MCC: variants seen among roughly 807,000 people sequenced by gnomAD.
MCC encodes MCC regulator of Wnt signaling pathway.
In MCC, 90 loss-of-function variants were observed where a neutral mutation model predicts 116.2. The ratio of observed to expected loss-of-function variants is 0.77; its 90% CI spans 0.65 to 0.92. MCC has a LOEUF of 0.92. Among genes scored for constraint, MCC ranks in the 40% least tolerant of loss-of-function variants. The probability of loss-of-function intolerance (pLI) is 0.00; values close to 1 mark genes in which losing one functional copy is unlikely to be tolerated. For synonymous variants in MCC, 578 were observed against 510.5 expected (o/e 1.13, Z -1.78); for missense variants, 1,516 against 1,312.2 (o/e 1.16, Z -2.40).
chr5:113,030,547 G>C (rs1580875009), intron 17 of MCC, among the ~76,000 whole-genome samples: 1 of 152,054 alleles, frequency 6.6e-6, no homozygotes, highest in Non-Finnish European at 1.5e-5. Flanking sequence ...AGATATGGTG[G>C]GTCATGCCTG....
chr5:113,112,807 T>C (rs1352382822), intron 6 of MCC, among the ~76,000 whole-genome samples: 9 of 152,188 alleles, frequency 5.9e-5, no homozygotes, highest in Non-Finnish European at 1.3e-4. Flanking sequence ...ACATGTAAAA[T>C]AAATGGAAGA....
chr5:113,362,695 C>G (rs1041041458), intron 2 of MCC, among the ~76,000 whole-genome samples: 3 of 152,048 alleles, frequency 2.0e-5, no homozygotes, highest in African/African-American at 4.8e-5. Flanking sequence ...ATCTTTCTAA[C>G]AAATTTAATA....
chr5:113,122,889 T>C (rs760408100), intron 5 of MCC, 63 bp from the exon 6 acceptor site: 37 of 1,538,516 alleles, frequency 2.4e-5, no homozygotes, highest in Non-Finnish European at 3.0e-5. Context: ...CTAGAGAATA[T>C]GTCTTTTAAG....
chr5:113,137,378 C>T (rs927831221), intron 5 of MCC, among the ~76,000 whole-genome samples: 5 of 152,088 alleles, frequency 3.3e-5, no homozygotes, highest in African/African-American at 1.2e-4. Context: ...CAATATGTTC[C>T]TTTTGTATCC....
intron 1 of MCC, among the ~76,000 whole-genome samples, chr5:113,440,702 T>C (rs1021903994): frequency 6.6e-6 from 1 of 151,934 alleles, no homozygotes; most frequent in African/African-American, 2.4e-5. Context: ...GATGTCTATA[T>C]CCTTTAAGGG....
intron 2 of MCC, among the ~76,000 whole-genome samples, chr5:113,367,263 A>AT (rs1182199360): frequency 1.3e-5 from 2 of 151,910 alleles, no homozygotes; most frequent in Non-Finnish European, 1.5e-5. Flanking sequence ...TTCTTGAACA[A>AT]TTTTTTTATT....
intron 1 of MCC, among the ~76,000 whole-genome samples, chr5:113,442,128 AG>A: frequency 6.6e-6 from 1 of 152,284 alleles, no homozygotes; most frequent in East Asian, 1.9e-4. Flanking sequence ...GCAGTGTAAA[AG>A]CTTTTCTATT....
chr5:113,379,175 T>C (rs970582425), intron 2 of MCC, among the ~76,000 whole-genome samples: 2 of 152,206 alleles, frequency 1.3e-5, no homozygotes, highest in Non-Finnish European at 2.9e-5. Context: ...GTTTGCACTT[T>C]GCTCATCACG....
intron 3 of MCC, among the ~76,000 whole-genome samples, chr5:113,292,887 G>C (rs1766563007): frequency 1.3e-5 from 2 of 152,162 alleles, no homozygotes; most frequent in Admixed American, 1.3e-4. Context: ...TGATGGAGCA[G>C]GGCCCTGGGT....
At chr5:113,139,946 C>T (rs935915612) in intron 5 of MCC, among the ~76,000 whole-genome samples, 13 of 151,992 alleles carry the variant, frequency 8.6e-5, no homozygotes, top group Non-Finnish European at 2.9e-5. Flanking sequence ...AGCTTAAGAG[C>T]TTCTGCATAG....
At chr5:113,302,051 A>C (rs1312102885) in intron 3 of MCC, among the ~76,000 whole-genome samples, 1 of 152,220 alleles carries the variant, frequency 6.6e-6, no homozygotes, top group East Asian at 1.9e-4. Flanking sequence ...CCCTCATACA[A>C]GTATCGCTGC....
At chr5:113,289,255 C>G (rs981292091) in intron 3 of MCC, among the ~76,000 whole-genome samples, 1 of 147,780 alleles carries the variant, frequency 6.8e-6, no homozygotes, top group African/African-American at 2.5e-5. Context: ...TGCTTGATCC[C>G]GGGAGGCAGG....
chr5:113,119,444 G>A (rs1361842535), intron 6 of MCC, among the ~76,000 whole-genome samples: 1 of 152,204 alleles, frequency 6.6e-6, no homozygotes, highest in Non-Finnish European at 1.5e-5. Flanking sequence ...CCAGCACAGA[G>A]CCCCGGGCAG....
rs1177659656 is a variant in MCC, at chr5:113,421,759, T to G, written c.171-36547A>C. On this transcript the variant is annotated intron_variant, in intron 1 of 18. Transcript: ENST00000408903. ...GCTAATGTATATCCTTGGATCTAGC[T>G]GCTGACTCCTTCCCCATTGCCTTTG... 2.0e-5 allele frequency among the ~76,000 whole-genome samples: 3 copies of G among 152,188 alleles called. No individual in the cohort carries two copies. The East Asian group carries it at 5.8e-4, about 29-fold the overall frequency.
intron 1 of MCC, among the ~76,000 whole-genome samples, chr5:113,419,444 A>G (rs984115074): frequency 2.0e-5 from 3 of 150,866 alleles, no homozygotes; most frequent in Non-Finnish European, 3.0e-5. Context: ...CAATCCTCCC[A>G]CCTCAAGCTC....
At chr5:113,454,819 T>G (rs916953032) in intron 1 of MCC, among the ~76,000 whole-genome samples, 4 of 152,200 alleles carry the variant, frequency 2.6e-5, no homozygotes, top group South Asian at 2.1e-4. Context: ...TTGTTAAACC[T>G]AATATAGTAC....
intron 17 of MCC, among the ~76,000 whole-genome samples, chr5:113,040,664 T>C (rs573530147): frequency 1.3e-5 from 2 of 152,338 alleles, no homozygotes; most frequent in East Asian, 1.9e-4. Flanking sequence ...GGTGTGTATA[T>C]TGTATCCCCT....
At chr5:113,337,900 C>G (rs1324219221) in intron 3 of MCC, among the ~76,000 whole-genome samples, 2 of 152,094 alleles carry the variant, frequency 1.3e-5, no homozygotes, top group African/African-American at 4.8e-5. Context: ...CTCTACAGAC[C>G]CTTCTGAGTA....
At chr5:113,329,675 T>C (rs529745585) in intron 3 of MCC, among the ~76,000 whole-genome samples, 19 of 152,278 alleles carry the variant, frequency 1.2e-4, no homozygotes, top group Non-Finnish European at 1.6e-4. Flanking sequence ...TAAGGTCTCA[T>C]ACTTCATCAA....
Sources: gnomAD v4.1 joint callset for allele counts (sites outside exome capture counted in the v4.1 genomes callset) on GRCh38, gnomAD v4.1.1 for gene constraint, MANE v1.5 for transcripts, NCBI Gene and HGNC (gene_info 2026-07-23, HGNC 2026-07-21) for gene names.